ADAMTSL1: variants seen among roughly 807,000 people sequenced by gnomAD.
ADAMTSL1 encodes ADAMTS-like protein 1.
ADAMTSL1 carries 126 observed loss-of-function variants against 201.8 expected under a neutral mutation model. That is an observed-to-expected ratio of 0.62 (90% CI 0.54 to 0.72). ADAMTSL1 has a LOEUF of 0.72. Among genes scored for constraint, ADAMTSL1 ranks in the 30% least tolerant of loss-of-function variants. The pLI is 0.00. For missense variants in ADAMTSL1, 2,679 were observed against 2,277.8 expected, an observed-to-expected ratio of 1.18 and a Z score of -3.59; for synonymous variants, 1,121 against 903.4, an observed-to-expected ratio of 1.24 and a Z score of -4.32.
intron 1 of ADAMTSL1, among the ~76,000 whole-genome samples, chr9:18,058,404 C>T (rs923775939): frequency 3.9e-5 from 6 of 152,122 alleles, no homozygotes; most frequent in African/African-American, 9.7e-5. Context: ...CTGCCATGTT[C>T]GCTTTAGTCT....
chr9:18,649,462 C>G (rs1262930500), intron 7 of ADAMTSL1, among the ~76,000 whole-genome samples: 1 of 152,192 alleles, frequency 6.6e-6, no homozygotes, highest in Non-Finnish European at 1.5e-5. Flanking sequence ...AGGAGAGGTG[C>G]TCTGATTTTT....
intron 3 of ADAMTSL1, among the ~76,000 whole-genome samples, chr9:18,537,595 C>T (rs1334775062): frequency 4.6e-5 from 7 of 152,118 alleles, no homozygotes; most frequent in Non-Finnish European, 1.0e-4. Flanking sequence ...GATGGCCAGG[C>T]ACCATGGCTC....
intron 20 of ADAMTSL1, among the ~76,000 whole-genome samples, chr9:18,805,774 C>G (rs1203548499): frequency 6.6e-6 from 1 of 152,166 alleles, no homozygotes; most frequent in African/African-American, 2.4e-5. Context: ...CTGCACAGTA[C>G]TCCAGGAAAA....
chr9:18,681,247 A>C (rs1287561484), intron 11 of ADAMTSL1: 1 of 152,414 alleles, frequency 6.6e-6, no homozygotes, highest in Non-Finnish European at 1.5e-5. Flanking sequence ...GCTACCAGAC[A>C]TGGGGAACCA....
chr9:18,014,529 T>C (rs1373512133), intron 1 of ADAMTSL1, among the ~76,000 whole-genome samples: 1 of 152,096 alleles, frequency 6.6e-6, no homozygotes, highest in African/African-American at 2.4e-5. Flanking sequence ...ACTAAGAGTA[T>C]ACACCTTATG....
At chr9:18,286,802 A>G (rs189918746) in intron 2 of ADAMTSL1, among the ~76,000 whole-genome samples, 317 of 152,310 alleles carry the variant, frequency 2.1e-3, no homozygotes, top group African/African-American at 7.5e-3. Context: ...TAAAAAACAT[A>G]TAATTAATTC....
intron 1 of ADAMTSL1, among the ~76,000 whole-genome samples, chr9:17,989,350 G>A (rs566983855): frequency 6.6e-6 from 1 of 151,426 alleles, no homozygotes; most frequent in Non-Finnish European, 1.5e-5. Context: ...CTTTTTTCAG[G>A]CTCACAATAG....
intron 2 of ADAMTSL1, among the ~76,000 whole-genome samples, chr9:18,404,534 C>T (rs1325108211): frequency 2.6e-5 from 4 of 152,226 alleles, no homozygotes; most frequent in Non-Finnish European, 5.9e-5. Context: ...ATCTTGACCT[C>T]TTTCCGAATG....
chr9:18,473,273 C>T (rs144637368), upstream of ADAMTSL1, among the ~76,000 whole-genome samples: 194 of 152,246 alleles, frequency 1.3e-3, no homozygotes, highest in African/African-American at 4.5e-3. Flanking sequence ...TCTTTCTCTC[C>T]CGTGGCTAAA....
intron 2 of ADAMTSL1, among the ~76,000 whole-genome samples, chr9:18,198,228 C>G (rs1829274573): frequency 6.6e-6 from 1 of 151,452 alleles, no homozygotes; most frequent in African/African-American, 2.4e-5. Context: ...ACACCAAAAG[C>G]AATGGCAACA....
At chr9:18,427,477 A>G (rs1449627512) in intron 2 of ADAMTSL1, among the ~76,000 whole-genome samples, 1 of 152,266 alleles carries the variant, frequency 6.6e-6, no homozygotes, top group Non-Finnish European at 1.5e-5. Flanking sequence ...AGTCACCATA[A>G]ACAGATATTA....
intron 7 of ADAMTSL1, among the ~76,000 whole-genome samples, chr9:18,653,948 T>A (rs756406996): frequency 6.6e-6 from 1 of 151,582 alleles, no homozygotes; most frequent in Non-Finnish European, 1.5e-5. Flanking sequence ...GCTCTTGGGG[T>A]TGGGTGTGGT....
rs748005797 is a variant in ADAMTSL1 at position 18,260,704 on chromosome 9, C to T, written c.207+96723C>T. On this transcript the variant is annotated intron_variant, in intron 2 of 29. Transcript: ENST00000680146. ...GCACTTTCTCTGTGGCTTTTGTGGT[C>T]GTTTCCATCTGCCAGTGTGGTCCCT... Among the ~76,000 whole-genome samples the T allele has an allele frequency of 7.9e-5, 12 of 152,310 alleles. No homozygotes were observed. In the South Asian group the frequency reaches 1.0e-3, roughly 13 times the overall value.
intron 1 of ADAMTSL1, among the ~76,000 whole-genome samples, chr9:17,915,658 C>T (rs71504887): frequency 0.045 from 6,847 of 152,160 alleles, 236 homozygotes; most frequent in Non-Finnish European, 0.065. Context: ...AGGTTGTACC[C>T]TTTTCTCAGT....
intron 1 of ADAMTSL1, among the ~76,000 whole-genome samples, chr9:18,078,731 G>A (rs1823340583): frequency 6.6e-6 from 1 of 152,028 alleles, no homozygotes; most frequent in Non-Finnish European, 1.5e-5. Flanking sequence ...TCCCTTCTCA[G>A]CTCCTAGATT....
In ADAMTSL1 at chr9:18,904,723, T is replaced by A. The variant is rs1405747183; in HGVS notation, c.4852-1059T>A. Among the ~76,000 whole-genome samples the A allele has an allele frequency of 3.7e-5, 5 of 133,464 alleles. 1 individual carries two copies. Among genetic ancestry groups the A allele is most frequent in the Non-Finnish European group, 7.7e-5 (5 of 64,618 alleles). The allele number at this position is 133,464 out of a possible 152,430, so 87.6% of individuals were successfully genotyped here. ...TTAAAAAAAATCCCAGTCATTGGTG[T>A]TAAGGGGGCTTTTTTTTTTTTTTTT... On this transcript the variant is annotated intron_variant, in intron 26 of 28. Transcript: ENST00000380548.
chr9:18,307,514 G>A (rs1274420409), intron 2 of ADAMTSL1, among the ~76,000 whole-genome samples: 2 of 151,336 alleles, frequency 1.3e-5, no homozygotes, highest in African/African-American at 4.9e-5. Flanking sequence ...GCAAACAAAG[G>A]GAAAACCAAA....
At chr9:18,421,352 G>T (rs1330777248) in intron 2 of ADAMTSL1, among the ~76,000 whole-genome samples, 3 of 151,994 alleles carry the variant, frequency 2.0e-5, no homozygotes, top group Non-Finnish European at 4.4e-5. Context: ...ATACTGCAAA[G>T]TTCTTACAAG....
chr9:18,231,531 A>G (rs1830645435), intron 2 of ADAMTSL1, among the ~76,000 whole-genome samples: 1 of 152,014 alleles, frequency 6.6e-6, no homozygotes. Context: ...GTTCCTCCTC[A>G]TCTCCAGGGC....
Sources: gnomAD v4.1 joint callset for allele counts (sites outside exome capture counted in the v4.1 genomes callset) on GRCh38, gnomAD v4.1.1 for gene constraint, MANE v1.5 for transcripts, NCBI Gene and HGNC (gene_info 2026-07-23, HGNC 2026-07-21) for gene names.